ZNF18: variants seen among roughly 807,000 people sequenced by gnomAD.
ZNF18 encodes the protein zinc finger protein 18.
A neutral mutation model predicts 58.1 loss-of-function variants in ZNF18; 42 were observed. The ratio of observed to expected loss-of-function variants is 0.72; its 90% CI spans 0.56 to 0.93. ZNF18 has a LOEUF of 0.93. Among genes scored for constraint, ZNF18 ranks in the 40% least tolerant of loss-of-function variants. ZNF18 has a pLI of 0.00. For synonymous variants in ZNF18, 231 were observed against 239.8 expected, an observed-to-expected ratio of 0.96 and a Z score of 0.34; for missense variants, 540 against 644.2, an observed-to-expected ratio of 0.84 and a Z score of 1.75.
At chr17:11,999,743 G>A (rs887754215), upstream of ZNF18, among the ~76,000 whole-genome samples, 10 of 152,184 alleles carry the variant, frequency 6.6e-5, no homozygotes, top group Non-Finnish European at 1.3e-4. Flanking sequence ...AATTATAGGT[G>A]TTGTGAAGAA....
intron 6 of ZNF18, among the ~76,000 whole-genome samples, chr17:11,980,337 A>T (rs1212585103): frequency 6.6e-6 from 1 of 152,158 alleles, no homozygotes; most frequent in Non-Finnish European, 1.5e-5. Flanking sequence ...TGCTGCCCAT[A>T]TTTTACTGGG....
the ZNF18 span, among the ~76,000 whole-genome samples, chr17:12,008,069 G>A: frequency 1.3e-5 from 2 of 152,192 alleles, no homozygotes; most frequent in Non-Finnish European, 2.9e-5. Flanking sequence ...GTTGCCCGTG[G>A]AGATACGAAG....
upstream of ZNF18, among the ~76,000 whole-genome samples, chr17:12,001,878 TA>T (rs1304382660): frequency 3.3e-5 from 5 of 151,716 alleles, no homozygotes; most frequent in Non-Finnish European, 5.9e-5. Context: ...CACTAGTTAC[TA>T]AAAAAATGAA....
chr17:11,990,338 C>T, intron 4 of ZNF18, 124 bp downstream of exon 4: 1 of 723,158 alleles, frequency 1.4e-6, no homozygotes, highest in Non-Finnish European at 2.2e-6. Flanking sequence ...AGTAAACTAA[C>T]ATATGGTGAC....
At chr17:11,979,451 T>C (rs1967201843) in intron 6 of ZNF18, among the ~76,000 whole-genome samples, 1 of 152,238 alleles carries the variant, frequency 6.6e-6, no homozygotes, top group South Asian at 2.1e-4. Flanking sequence ...AGCGGGGCTT[T>C]ACTATAAAAG....
At chr17:12,005,836 C>A in the ZNF18 span, among the ~76,000 whole-genome samples, 1 of 151,934 alleles carries the variant, frequency 6.6e-6, no homozygotes, top group Non-Finnish European at 1.5e-5. Context: ...AACATGTAGG[C>A]AAAATAATAC....
the ZNF18 span, among the ~76,000 whole-genome samples, chr17:12,005,633 A>C: frequency 3.9e-5 from 6 of 152,222 alleles, no homozygotes; most frequent in East Asian, 1.2e-3. Context: ...AGTGTCAAAA[A>C]TAAACTGAAT....
At chr17:11,984,307 T>C in intron 4 of ZNF18, 110 bp from the exon 5 acceptor site, 2 of 1,073,340 alleles carry the variant, frequency 1.9e-6, no homozygotes. Context: ...TGCCATAGGA[T>C]CCTGGCCATC....
intron 6 of ZNF18, among the ~76,000 whole-genome samples, chr17:11,982,699 T>TG (rs56065701): frequency 6.7e-6 from 1 of 149,240 alleles, no homozygotes; most frequent in Non-Finnish European, 1.5e-5. Flanking sequence ...TGTGTGTGTG[T>TG]AGGTTTCGCA....
intron 4 of ZNF18, among the ~76,000 whole-genome samples, chr17:11,988,832 G>A (rs993004447): frequency 2.8e-4 from 42 of 150,450 alleles, no homozygotes; most frequent in Admixed American, 2.0e-4. Context: ...TACCAGGCAC[G>A]GGCAACATAG....
chr17:12,021,238 G>A, the ZNF18 span: 2 of 293,126 alleles, frequency 6.8e-6, no homozygotes, highest in Non-Finnish European at 1.3e-5. Context: ...TGGCCCCTGG[G>A]CCCTACCGGG....
chr17:11,995,023 G>A (rs1310558721), intron 1 of ZNF18, among the ~76,000 whole-genome samples: 1 of 152,178 alleles, frequency 6.6e-6, no homozygotes, highest in Non-Finnish European at 1.5e-5. Flanking sequence ...CACAGAGGCA[G>A]ATGAAAATCC....
At chr17:11,990,186 A>T (rs2151481550) in intron 4 of ZNF18, among the ~76,000 whole-genome samples, 1 of 152,300 alleles carries the variant, frequency 6.6e-6, no homozygotes, top group South Asian at 2.1e-4. Flanking sequence ...TCCAAGGCAC[A>T]TCAAAATCAA....
the ZNF18 span, among the ~76,000 whole-genome samples, chr17:12,014,011 A>G: frequency 6.6e-6 from 1 of 152,368 alleles, no homozygotes; most frequent in Non-Finnish European, 1.5e-5. Context: ...AAATGAACAT[A>G]TATTTCATTT....
chr17:12,018,061 A>C, the ZNF18 span, among the ~76,000 whole-genome samples: 1 of 152,160 alleles, frequency 6.6e-6, no homozygotes, highest in African/African-American at 2.4e-5. Context: ...AAATCATCTT[A>C]ATTTGTTATT....
chr17:11,992,927 G>C lies in ZNF18; in HGVS notation c.-82-16C>G. On this transcript the variant is annotated splice_polypyrimidine_tract_variant and intron_variant, in intron 1 of 6. Coordinates refer to ENST00000580306, the MANE Select transcript of ZNF18 (RefSeq NM_001303281.2). ...CACCAGGACACTAAAAAGGGAATGA[G>C]ATTGAGTGCTACACAGAGGAAGGGG... 1 of 1,364,794 alleles carries C rather than the reference G, an allele frequency of 7.3e-7. No homozygotes were observed. Among genetic ancestry groups the C allele is most frequent in the Non-Finnish European group, 9.8e-7 (1 of 1,020,282 alleles). The allele number at this position is 1,364,794 out of a possible 1,614,324, so 84.5% of individuals were successfully genotyped here. A position where few individuals can be genotyped will look rare whatever the true frequency, so the allele number is the denominator to read the frequency against.
At chr17:11,998,405 AT>A (rs1968588978), upstream of ZNF18, 1 of 152,250 alleles carries the variant, frequency 6.6e-6, no homozygotes, top group East Asian at 1.9e-4. Flanking sequence ...AAAAGCTGCC[AT>A]GTTCCCCAAT....
At chr17:11,999,857 C>A (rs571695869), upstream of ZNF18, among the ~76,000 whole-genome samples, 2 of 152,088 alleles carry the variant, frequency 1.3e-5, no homozygotes, top group Non-Finnish European at 2.9e-5. Flanking sequence ...GAATCCAGAC[C>A]GGAAGTTAAT....
chr17:12,014,860 C>G, the ZNF18 span, among the ~76,000 whole-genome samples: 1 of 152,090 alleles, frequency 6.6e-6, no homozygotes, highest in Non-Finnish European at 1.5e-5. Flanking sequence ...ACCATCCTGG[C>G]TAACACGGTG....
Sources: allele counts gnomAD v4.1 joint callset (sites outside exome capture counted in the v4.1 genomes callset), GRCh38; gene constraint gnomAD v4.1.1; transcripts MANE v1.5; gene names NCBI Gene and HGNC (gene_info 2026-07-23, HGNC 2026-07-21).